Variants in SUSD4 observed in about 807,000 individuals in gnomAD.
SUSD4 encodes sushi domain-containing protein 4.
SUSD4 carries 41 observed loss-of-function variants against 50.5 expected under a neutral mutation model. That is an observed-to-expected ratio of 0.81 (90% CI 0.63 to 1.05). The LOEUF (loss-of-function observed/expected upper bound fraction) is 1.05, where lower values mean the gene tolerates loss of function less well. SUSD4 is among the 50% of genes least tolerant of loss of function. SUSD4 has a pLI of 0.00. For synonymous variants in SUSD4, 257 were observed against 257.3 expected, an observed-to-expected ratio of 1.00 and a Z score of 0.01; for missense variants, 580 against 634.7, an observed-to-expected ratio of 0.91 and a Z score of 0.93.
Position 223,264,556 on chromosome 1 carries a change from C to T in SUSD4, c.724+74G>A. ...AGTTATTGCCCATCATAATTCACAG[C>T]TCTTCCTCCTACTGATCTTCTTCCT... is the stretch of plus-strand genomic sequence containing the variant. On this transcript the variant is annotated intron_variant, in intron 5 of 8. Transcript: ENST00000366878. 1.9e-6 allele frequency: 3 copies of T among 1,574,686 alleles called. No individual in the cohort carries two copies. The South Asian group carries it at 3.6e-5, about 19-fold the overall frequency.
intron 2 of SUSD4, among the ~76,000 whole-genome samples, chr1:223,339,193 T>C (rs1667620177): frequency 6.6e-6 from 1 of 152,096 alleles, no homozygotes; most frequent in African/African-American, 2.4e-5. Context: ...GCAAGACCCA[T>C]TGTGCACATG....
At chr1:223,315,202 G>A (rs896697155) in intron 2 of SUSD4, among the ~76,000 whole-genome samples, 5 of 152,200 alleles carry the variant, frequency 3.3e-5, no homozygotes, top group African/African-American at 9.6e-5. Context: ...AAATGATAGC[G>A]GGTCTTCCCC....
At chr1:223,363,499 T>G in intron 1 of SUSD4, 39 bp from the exon 2 acceptor site, 1 of 1,396,318 alleles carries the variant, frequency 7.2e-7, no homozygotes, top group Admixed American at 2.4e-5. Flanking sequence ...AGCCAGTCTG[T>G]CCGGGCTCGG....
chr1:223,278,162 G>A (rs1398462430), intron 3 of SUSD4, among the ~76,000 whole-genome samples: 3 of 152,150 alleles, frequency 2.0e-5, no homozygotes. Flanking sequence ...GAAGATTTCT[G>A]CATTTCCATC....
chr1:223,353,079 A>G (rs1267272131), intron 2 of SUSD4, among the ~76,000 whole-genome samples: 1 of 152,202 alleles, frequency 6.6e-6, no homozygotes, highest in Non-Finnish European at 1.5e-5. Context: ...GCCAACAGCT[A>G]TTGAGAAGTT....
chr1:223,278,975 A>G (rs1261987595), intron 3 of SUSD4, among the ~76,000 whole-genome samples: 1 of 152,244 alleles, frequency 6.6e-6, no homozygotes, highest in Non-Finnish European at 1.5e-5. Flanking sequence ...GTAGACCTCC[A>G]GCTAACTCCA....
intron 5 of SUSD4, among the ~76,000 whole-genome samples, chr1:223,242,134 G>A (rs1558174551): frequency 6.6e-6 from 1 of 152,026 alleles, no homozygotes; most frequent in Non-Finnish European, 1.5e-5. Flanking sequence ...GTAGAGACAG[G>A]GTTTCACCAT....
At chr1:223,259,058 C>T in intron 5 of SUSD4, among the ~76,000 whole-genome samples, 1 of 152,248 alleles carries the variant, frequency 6.6e-6, no homozygotes, top group Non-Finnish European at 1.5e-5. Context: ...GTGGAGAGTG[C>T]AATTTCAGGA....
intron 5 of SUSD4, chr1:223,235,197 G>T (rs1660138269): frequency 7.5e-7 from 1 of 1,329,526 alleles, no homozygotes; most frequent in Non-Finnish European, 1.0e-6. Flanking sequence ...AAAAAATAAA[G>T]ACTTTATTTT....
chr1:223,329,256 T>C (rs1033050363), intron 2 of SUSD4, among the ~76,000 whole-genome samples: 2 of 152,316 alleles, frequency 1.3e-5, no homozygotes, highest in Middle Eastern at 3.4e-3. Flanking sequence ...TAGATAAAAT[T>C]TGGGATTATC....
Position 223,363,338 on chromosome 1 carries a change from A to G in SUSD4, c.88T>C (p.Leu30=). ...QQQPQSPQRL[L]AVILWFQLAL... is the part of the protein sequence containing the mutation. The stretch of plus-strand genomic sequence containing the variant: ...AGCTGAAACCACAGGATCACGGCCA[A>G]GAGTCTCTGGGGGGACTGAGGTTGC... Residue 30 remains leucine, a synonymous_variant, in exon 2 of 9, where the codon TTG becomes CTG. Transcript: ENST00000366878. 1 of 1,610,474 alleles carries G rather than the reference A, an allele frequency of 6.2e-7. No homozygotes were observed. The highest frequency in any genetic ancestry group is 8.5e-7 in the Non-Finnish European group (1 of 1,178,656).
At chr1:223,306,851 A>G (rs1202783393) in intron 2 of SUSD4, among the ~76,000 whole-genome samples, 1 of 151,962 alleles carries the variant, frequency 6.6e-6, no homozygotes. Context: ...CTTATTAAGT[A>G]TAATGAAAGC....
rs538420990 is a variant in SUSD4, at chr1:223,223,326, G to C, written c.1367C>G (p.Ala456Gly). Residue 456 changes from alanine to glycine, a missense_variant, in exon 8 of 9, where the codon GCT (alanine) becomes GGT (glycine). Transcript: ENST00000366878. ...GGCAATTATGTCAGGGTTGTCCGAA[G>C]CAGGGTGGGTGCTCTCTTGGCACCT... ...PPRCQESTHP[A>G]SDNPDIIAST... 9.9e-6 allele frequency: 16 copies of C among 1,608,944 alleles called. No homozygotes were observed. In the South Asian group the frequency reaches 1.8e-4, roughly 18 times the overall value.
intron 5 of SUSD4, among the ~76,000 whole-genome samples, chr1:223,238,209 G>GATATTAGC (rs1660348274): frequency 1.3e-5 from 2 of 151,980 alleles, no homozygotes; most frequent in African/African-American, 4.8e-5. Context: ...TTTCATTTCT[G>GATATTAGC]ATATTAGCAA....
chr1:223,230,186 A>G (rs1659800219), intron 5 of SUSD4, among the ~76,000 whole-genome samples: 1 of 152,144 alleles, frequency 6.6e-6, no homozygotes, highest in African/African-American at 2.4e-5. Context: ...GTTGCGAGGT[A>G]AGGACGGTTC....
At chr1:223,329,244 T>C (rs1667042606) in intron 2 of SUSD4, among the ~76,000 whole-genome samples, 1 of 152,188 alleles carries the variant, frequency 6.6e-6, no homozygotes, top group South Asian at 2.1e-4. Flanking sequence ...GAAACTCACA[T>C]GTAGATAAAA....
intron 3 of SUSD4, among the ~76,000 whole-genome samples, chr1:223,273,481 T>A (rs965392811): frequency 6.6e-6 from 1 of 152,258 alleles, no homozygotes; most frequent in Non-Finnish European, 1.5e-5. Context: ...TTTGTTTGTC[T>A]GGGGGCTCTG....
chr1:223,287,803 A>G (rs562145790), intron 3 of SUSD4, among the ~76,000 whole-genome samples: 1 of 152,318 alleles, frequency 6.6e-6, no homozygotes, highest in East Asian at 1.9e-4. Context: ...TTAAATAAAA[A>G]GAGAAAGGGT....
At chr1:223,323,244 A>T (rs896291371) in intron 2 of SUSD4, among the ~76,000 whole-genome samples, 1 of 150,638 alleles carries the variant, frequency 6.6e-6, no homozygotes, top group Non-Finnish European at 1.5e-5. Flanking sequence ...GGAGAGAGGG[A>T]GGGATGGAAG....
Sources: allele counts gnomAD v4.1 joint callset (sites outside exome capture counted in the v4.1 genomes callset), GRCh38; gene constraint gnomAD v4.1.1; transcripts MANE v1.5; gene names NCBI Gene and HGNC (gene_info 2026-07-23, HGNC 2026-07-21).